SNX9: variants seen among roughly 807,000 people sequenced by gnomAD.
The protein encoded by SNX9 is sorting nexin-9.
In SNX9, 44 loss-of-function variants were observed where a neutral mutation model predicts 89.4. The ratio of observed to expected loss-of-function variants is 0.49; its 90% CI spans 0.39 to 0.63. The LOEUF (loss-of-function observed/expected upper bound fraction) is 0.63. Ranked by LOEUF, SNX9 falls within the 30% of genes least tolerant of loss-of-function variation. The pLI is 0.00. For synonymous variants in SNX9, 236 were observed against 247.8 expected (o/e 0.95, Z 0.45); for missense variants, 578 against 736.1 (o/e 0.79, Z 2.49).
chr6:157,933,725 C>T (rs970216966), intron 13 of SNX9, among the ~76,000 whole-genome samples: 9 of 152,162 alleles, frequency 5.9e-5, no homozygotes, highest in Non-Finnish European at 1.3e-4. Flanking sequence ...TGTGATGTCT[C>T]AACAGGGTGA....
At chr6:157,874,337 T>C (rs1782477696) in intron 3 of SNX9, 1 of 152,268 alleles carries the variant, frequency 6.6e-6, no homozygotes, top group Admixed American at 6.5e-5. Flanking sequence ...GTTTTACTTG[T>C]ATGCACTTTG....
chr6:157,917,052 G>T (rs1259640799), intron 9 of SNX9, among the ~76,000 whole-genome samples: 2 of 152,202 alleles, frequency 1.3e-5, no homozygotes, highest in African/African-American at 4.8e-5. Flanking sequence ...TTTGTGGGGA[G>T]GCTTTAACTA....
chr6:157,942,827 C>T lies in SNX9; in HGVS notation c.1777C>T (p.Pro593Ser), dbSNP rs1021611517. The T allele has an allele frequency of 1.1e-5, 18 of 1,613,822 alleles. No individual in the cohort carries two copies. Among genetic ancestry groups the T allele is most frequent in the Non-Finnish European group, 1.4e-5 (16 of 1,179,948 alleles). The change falls in exon 18 of 18, where the codon CCA (proline) becomes TCA (serine). Residue 593 changes from proline to serine, a missense_variant. This residue lies in a region of SNX9 where 348 missense variants were observed against 491.4 expected (regional missense o/e 0.71). Coordinates refer to ENST00000392185, the MANE Select transcript of SNX9 (RefSeq NM_016224.5). ...GCTGAGGCAGGCCCTCAGCCGCTTT[C>T]CAGTGATGTAGGACAGAACGGGCCT... is the stretch of plus-strand genomic sequence containing the variant. Reference protein sequence around the residue: ...EKLRQALSRFPVM With the variant: ...EKLRQALSRFSVM
At chr6:157,849,159 T>G (rs1781860726) in intron 1 of SNX9, among the ~76,000 whole-genome samples, 2 of 152,148 alleles carry the variant, frequency 1.3e-5, no homozygotes, top group Non-Finnish European at 2.9e-5. Context: ...TCATTGAAGG[T>G]AAGAATTGTA....
At chr6:157,864,448 C>G (rs374309863) in intron 1 of SNX9, among the ~76,000 whole-genome samples, 1 of 152,254 alleles carries the variant, frequency 6.6e-6, no homozygotes, top group South Asian at 2.1e-4. Flanking sequence ...CCATTTCTTT[C>G]TTTCTCACTT....
intron 14 of SNX9, among the ~76,000 whole-genome samples, chr6:157,936,283 T>A (rs995450966): frequency 6.6e-6 from 1 of 152,194 alleles, no homozygotes; most frequent in South Asian, 2.1e-4. Context: ...TCTGGCACTT[T>A]GGGAGGCCAA....
chr6:157,919,146 G>C (rs1783532003), intron 9 of SNX9, among the ~76,000 whole-genome samples: 1 of 152,118 alleles, frequency 6.6e-6, no homozygotes. Flanking sequence ...ATGCAGGTCT[G>C]TTATCAGTGA....
At chr6:157,908,526 A>G (rs1783266051) in intron 7 of SNX9, among the ~76,000 whole-genome samples, 1 of 152,216 alleles carries the variant, frequency 6.6e-6, no homozygotes, top group Admixed American at 6.5e-5. Context: ...CATTGTGATC[A>G]AAGTTTATGA....
chr6:157,870,390 C>G (rs1782375166), intron 2 of SNX9, among the ~76,000 whole-genome samples: 1 of 151,918 alleles, frequency 6.6e-6, no homozygotes, highest in African/African-American at 2.4e-5. Flanking sequence ...AGTGCATGTA[C>G]CCCTCAGACA....
At position 157,898,496 on chromosome 6, in the gene SNX9, C is replaced by T. The variant is rs529527695; in HGVS notation, c.472+1498C>T. ...GATTTTAACATCTCAGCAGCTAACA[C>T]GTTTGTTTTAAAATCTTGAGCCAGA... On this transcript the variant is annotated intron_variant, in intron 5 of 17. Coordinates refer to ENST00000392185, the MANE Select transcript of SNX9 (RefSeq NM_016224.5). 7.2e-5 allele frequency among the ~76,000 whole-genome samples: 11 copies of T among 152,306 alleles called. No individual in the cohort carries two copies. In the East Asian group the frequency reaches 9.6e-4, roughly 13 times the overall value.
intron 1 of SNX9, among the ~76,000 whole-genome samples, chr6:157,852,018 A>T (rs1424704278): frequency 1.3e-5 from 2 of 152,146 alleles, no homozygotes; most frequent in Non-Finnish European, 2.9e-5. Context: ...TTGTTTATTC[A>T]TCCGTTGATG....
chr6:157,898,830 C>T (rs3805776), intron 5 of SNX9, among the ~76,000 whole-genome samples: 35,172 of 152,112 alleles, frequency 0.23, 4,243 homozygotes, highest in African/African-American at 0.28. Context: ...GTGCAGGTCC[C>T]GGCTGAAGGC....
intron 1 of SNX9, among the ~76,000 whole-genome samples, chr6:157,831,648 C>T (rs1402533159): frequency 1.3e-5 from 2 of 152,208 alleles, no homozygotes; most frequent in Non-Finnish European, 2.9e-5. Context: ...GGAAATCCTG[C>T]CTCAGCACAT....
At chr6:157,939,448 G>A (rs771615833) in intron 16 of SNX9, among the ~76,000 whole-genome samples, 3 of 152,186 alleles carry the variant, frequency 2.0e-5, no homozygotes, top group Non-Finnish European at 4.4e-5. Flanking sequence ...AATCCTCAAG[G>A]GAGAAGGATT....
intron 14 of SNX9, among the ~76,000 whole-genome samples, chr6:157,936,378 G>A (rs1333438614): frequency 1.3e-5 from 2 of 152,082 alleles, no homozygotes; most frequent in African/African-American, 4.8e-5. Context: ...GTGTAGTGGT[G>A]TACACCTGTA....
chr6:157,829,897 T>G (rs759629663), intron 1 of SNX9, among the ~76,000 whole-genome samples: 1 of 152,214 alleles, frequency 6.6e-6, no homozygotes, highest in Non-Finnish European at 1.5e-5. Flanking sequence ...TCTTATAGAT[T>G]GTAGGAGCCC....
chr6:157,921,481 T>C, intron 9 of SNX9, 50 bp from the exon 10 acceptor site: 6 of 1,587,794 alleles, frequency 3.8e-6, no homozygotes, highest in Non-Finnish European at 5.2e-6. Context: ...ATGGTAACAG[T>C]CATTCATTTT....
intron 7 of SNX9, among the ~76,000 whole-genome samples, chr6:157,907,526 C>T (rs559908070): frequency 9.7e-4 from 148 of 152,214 alleles, no homozygotes; most frequent in African/African-American, 3.3e-3. Flanking sequence ...CCTTGTGATC[C>T]GCCCACATTG....
chr6:157,843,404 A>G (rs1457972374), intron 1 of SNX9, among the ~76,000 whole-genome samples: 1 of 152,236 alleles, frequency 6.6e-6, no homozygotes, highest in Non-Finnish European at 1.5e-5. Flanking sequence ...TATGTATTAC[A>G]TACGGTATTC....
Sources: gnomAD v4.1 joint callset for allele counts (sites outside exome capture counted in the v4.1 genomes callset) on GRCh38, gnomAD v4.1.1 for gene constraint, gnomAD v4.1.1 regional missense constraint, MANE v1.5 for transcripts, NCBI Gene and HGNC (gene_info 2026-07-23, HGNC 2026-07-21) for gene names.